Variants in VWC2L observed in about 807,000 individuals in gnomAD.
VWC2L encodes the protein von Willebrand factor C domain containing 2 like.
A neutral mutation model predicts 21.6 loss-of-function variants in VWC2L; 10 were observed. The ratio of observed to expected loss-of-function variants is 0.46; its 90% CI spans 0.29 to 0.78. The LOEUF (loss-of-function observed/expected upper bound fraction) is 0.78. Among genes scored for constraint, VWC2L ranks in the 30% least tolerant of loss-of-function variants. The probability of loss-of-function intolerance (pLI) is 0.10; values close to 1 mark genes in which losing one functional copy is unlikely to be tolerated. For missense variants in VWC2L, 209 were observed against 277.1 expected (o/e 0.75, Z 1.74); for synonymous variants, 96 against 94.3 (o/e 1.02, Z -0.10).
chr2:214,436,123 A>T (rs1702675091), intron 2 of VWC2L: 1 of 152,980 alleles, frequency 6.5e-6, no homozygotes, highest in African/African-American at 2.4e-5. Flanking sequence ...CATTGAAAAA[A>T]AAAATGCCAT....
intron 3 of VWC2L, among the ~76,000 whole-genome samples, chr2:214,547,266 AC>A: frequency 6.6e-6 from 1 of 152,098 alleles, no homozygotes; most frequent in East Asian, 1.9e-4. Flanking sequence ...CCATCCTCAA[AC>A]TTTTGAGTTT....
intron 3 of VWC2L, among the ~76,000 whole-genome samples, chr2:214,506,379 G>A (rs9653259): frequency 0.87 from 133,081 of 152,146 alleles, 60,830 homozygotes; most frequent in Non-Finnish European, 1. Flanking sequence ...AAAATAGCTC[G>A]AAGAAATACA....
intron 3 of VWC2L, among the ~76,000 whole-genome samples, chr2:214,521,117 C>T (rs1689232707): frequency 1.3e-5 from 2 of 151,514 alleles, no homozygotes; most frequent in South Asian, 2.1e-4. Context: ...CCCAGCTACT[C>T]GGGAGGCTGA....
chr2:214,533,565 A>T (rs1036081244), intron 3 of VWC2L, among the ~76,000 whole-genome samples: 6 of 151,214 alleles, frequency 4.0e-5, no homozygotes, highest in Admixed American at 2.0e-4. Flanking sequence ...AAAAAAGCCA[A>T]GAGATTTAAT....
intron 2 of VWC2L, among the ~76,000 whole-genome samples, chr2:214,429,379 C>T (rs1311775327): frequency 6.6e-6 from 1 of 152,112 alleles, no homozygotes; most frequent in Admixed American, 6.6e-5. Context: ...CTGAGTATTT[C>T]ACAAGTATAG....
intron 3 of VWC2L, among the ~76,000 whole-genome samples, chr2:214,562,879 G>A (rs1036383565): frequency 6.6e-6 from 1 of 152,154 alleles, no homozygotes; most frequent in African/African-American, 2.4e-5. Context: ...CCAATGAGTA[G>A]ATTGCAAAAA....
At chr2:214,429,457 C>G (rs1647934919) in intron 2 of VWC2L, among the ~76,000 whole-genome samples, 1 of 152,108 alleles carries the variant, frequency 6.6e-6, no homozygotes, top group South Asian at 2.1e-4. Context: ...TGTCTGGGCC[C>G]TCCTTTGATT....
At chr2:214,539,459 A>G (rs1409550355) in intron 3 of VWC2L, among the ~76,000 whole-genome samples, 1 of 152,170 alleles carries the variant, frequency 6.6e-6, no homozygotes, top group Non-Finnish European at 1.5e-5. Context: ...GCTTGTATTA[A>G]TTTGGAAAAA....
chr2:214,527,691 C>G (rs182468059), intron 3 of VWC2L, among the ~76,000 whole-genome samples: 45 of 152,280 alleles, frequency 3.0e-4, no homozygotes, highest in Non-Finnish European at 2.2e-4. Context: ...TTTCCACAAG[C>G]CTGCCCTGAC....
intron 3 of VWC2L, among the ~76,000 whole-genome samples, chr2:214,561,784 T>TTATA (rs67223012): frequency 1.2e-4 from 16 of 128,680 alleles, no homozygotes; most frequent in African/African-American, 5.1e-4. Context: ...TCAAAAAAAA[T>TTATA]TATATATATA....
chr2:214,505,038 T>C (rs10932536), intron 3 of VWC2L, among the ~76,000 whole-genome samples: 80,224 of 152,042 alleles, frequency 0.53, 21,518 homozygotes, highest in East Asian at 0.74. Flanking sequence ...TGCTATTTCC[T>C]GTCCACCTCC....
intron 3 of VWC2L, among the ~76,000 whole-genome samples, chr2:214,561,266 T>G (rs1326911517): frequency 6.6e-6 from 1 of 152,134 alleles, no homozygotes; most frequent in African/African-American, 2.4e-5. Flanking sequence ...AAAACTCCTA[T>G]CGTAAAGAGA....
chr2:214,412,555 T>C (rs1271262274), intron 1 of VWC2L, among the ~76,000 whole-genome samples: 2 of 152,206 alleles, frequency 1.3e-5, no homozygotes, highest in Non-Finnish European at 2.9e-5. Flanking sequence ...CTTATTATTT[T>C]TGACATATTT....
At chr2:214,509,355 C>T (rs1195569699) in intron 3 of VWC2L, among the ~76,000 whole-genome samples, 3 of 152,098 alleles carry the variant, frequency 2.0e-5, no homozygotes, top group South Asian at 4.1e-4. Flanking sequence ...TGAATCTATA[C>T]TAGCTATTAT....
At position 214,521,269 on chromosome 2, in the gene VWC2L, A is replaced by C. The variant is rs182357338; in HGVS notation, c.521-54403A>C. ...TAAATAAATAAATAAATAAATAAAT[A>C]AATAAATAAAACTACCAAGTTTGAG... On this transcript the variant is annotated intron_variant, in intron 3 of 3. Transcript: ENST00000312504. Among the ~76,000 whole-genome samples, 338 of 131,280 alleles carry C rather than the reference A, an allele frequency of 2.6e-3. 2 individuals carry two copies. The highest frequency in any genetic ancestry group is 6.2e-3 in the South Asian group (25 of 4,026). 86.1% of individuals were successfully genotyped at this position (131,280 alleles called of 152,430 possible).
chr2:214,438,439 T>G (rs1161711511), intron 3 of VWC2L, among the ~76,000 whole-genome samples: 1 of 152,028 alleles, frequency 6.6e-6, no homozygotes. Flanking sequence ...AACAAGTCCT[T>G]GAGGCTCTTG....
At chr2:214,561,627 T>G (rs967448643) in intron 3 of VWC2L, among the ~76,000 whole-genome samples, 6 of 151,564 alleles carry the variant, frequency 4.0e-5, no homozygotes, top group African/African-American at 4.9e-5. Flanking sequence ...TACAAAAAAT[T>G]AGCCAGGTGT....
At chr2:214,552,539 T>C (rs907902736) in intron 3 of VWC2L, among the ~76,000 whole-genome samples, 5 of 152,228 alleles carry the variant, frequency 3.3e-5, no homozygotes, top group Admixed American at 3.3e-4. Flanking sequence ...CTAGTAGTAT[T>C]GGACACCTTA....
intron 3 of VWC2L, among the ~76,000 whole-genome samples, chr2:214,560,664 A>G (rs536239096): frequency 1.3e-5 from 2 of 152,296 alleles, no homozygotes; most frequent in East Asian, 1.9e-4. Flanking sequence ...ACCTGTTTCA[A>G]TCCCAAAGAT....
Sources: allele counts gnomAD v4.1 joint callset (sites outside exome capture counted in the v4.1 genomes callset), GRCh38; gene constraint gnomAD v4.1.1; transcripts MANE v1.5; gene names NCBI Gene and HGNC (gene_info 2026-07-23, HGNC 2026-07-21).